ADAM10: variants seen among roughly 807,000 people sequenced by gnomAD.
The protein encoded by ADAM10 is ADAM metallopeptidase domain 10.
Under a neutral mutation model 90.1 loss-of-function variants are expected in ADAM10, and 17 were observed. The ratio of observed to expected loss-of-function variants is 0.19; its 90% CI spans 0.13 to 0.28. ADAM10 has a LOEUF of 0.28. ADAM10 is among the 10% of genes least tolerant of loss of function. ADAM10 has a pLI of 1.00. For synonymous variants in ADAM10, 310 were observed against 298.6 expected, an observed-to-expected ratio of 1.04 and a Z score of -0.40; for missense variants, 610 against 914.3, an observed-to-expected ratio of 0.67 and a Z score of 4.29.
At chr15:58,654,753 C>T (rs1289775416) in intron 5 of ADAM10, among the ~76,000 whole-genome samples, 1 of 152,152 alleles carries the variant, frequency 6.6e-6, no homozygotes, top group Non-Finnish European at 1.5e-5. Flanking sequence ...ACTCACCTAT[C>T]GGTCATTCAG....
intron 1 of ADAM10, among the ~76,000 whole-genome samples, chr15:58,733,632 A>G (rs1329830822): frequency 6.6e-6 from 1 of 152,182 alleles, no homozygotes. Context: ...ACCAATCCCC[A>G]TAGATACTGA....
At chr15:58,604,657 C>T (rs1203090583) in intron 14 of ADAM10, among the ~76,000 whole-genome samples, 4 of 152,198 alleles carry the variant, frequency 2.6e-5, no homozygotes, top group African/African-American at 9.7e-5. Flanking sequence ...CTAACACATA[C>T]AAATAATGTG....
intron 4 of ADAM10, among the ~76,000 whole-genome samples, chr15:58,674,316 T>C (rs1346537673): frequency 5.3e-5 from 8 of 152,204 alleles, no homozygotes; most frequent in African/African-American, 9.6e-5. Context: ...TAGTAAAGCA[T>C]ACAAATTCAA....
rs764680235 is a variant in ADAM10, at chr15:58,597,458, T to G, written c.*89A>C. 6.2e-7 allele frequency: 1 copy of G among 1,602,628 alleles called. No homozygotes were observed. The highest frequency in any genetic ancestry group is 8.5e-7 in the Non-Finnish European group (1 of 1,173,866). ...TCTTCAACTGTTACTTGTGAGGGTT[T>G]AGTTTGGAGATGATGACTTAATAGG... On this transcript the variant is annotated 3_prime_UTR_variant, in exon 16 of 16. Transcript: ENST00000260408.
At chr15:58,625,884 A>C (rs1035535953) in intron 10 of ADAM10, among the ~76,000 whole-genome samples, 3 of 152,222 alleles carry the variant, frequency 2.0e-5, no homozygotes, top group African/African-American at 7.2e-5. Flanking sequence ...AATTATGTTG[A>C]GTGAGAAAAG....
At chr15:58,626,653 C>T (rs1466736790) in intron 10 of ADAM10, among the ~76,000 whole-genome samples, 1 of 152,098 alleles carries the variant, frequency 6.6e-6, no homozygotes, top group Non-Finnish European at 1.5e-5. Flanking sequence ...CTGATACATG[C>T]TACAACACAG....
intron 10 of ADAM10, among the ~76,000 whole-genome samples, chr15:58,623,706 C>A (rs1209940999): frequency 1.3e-5 from 2 of 152,072 alleles, no homozygotes; most frequent in Non-Finnish European, 2.9e-5. Context: ...AGAAAACTAA[C>A]ACAGGAACAG....
intron 1 of ADAM10, among the ~76,000 whole-genome samples, chr15:58,723,681 G>A (rs1358392796): frequency 1.3e-5 from 2 of 151,880 alleles, no homozygotes; most frequent in Non-Finnish European, 1.5e-5. Flanking sequence ...CTCCAGCCTG[G>A]GCAACAACAG....
chr15:58,726,266 T>C (rs1366662000), intron 1 of ADAM10, among the ~76,000 whole-genome samples: 3 of 152,116 alleles, frequency 2.0e-5, no homozygotes, highest in African/African-American at 7.2e-5. Context: ...ACAACAGGTA[T>C]ATCATCATAA....
At chr15:58,635,677 T>C (rs1221249107) in intron 8 of ADAM10, among the ~76,000 whole-genome samples, 1 of 152,018 alleles carries the variant, frequency 6.6e-6, no homozygotes, top group African/African-American at 2.4e-5. Flanking sequence ...TTTAAACAAA[T>C]AGTAAATTAA....
At chr15:58,704,673 T>C (rs558526385) in intron 2 of ADAM10, among the ~76,000 whole-genome samples, 2 of 152,356 alleles carry the variant, frequency 1.3e-5, no homozygotes, top group South Asian at 2.1e-4. Flanking sequence ...GAAGATGGTA[T>C]GTGAAGATAA....
chr15:58,702,747 ATTT>A (rs1898169612), intron 2 of ADAM10, among the ~76,000 whole-genome samples: 1 of 152,268 alleles, frequency 6.6e-6, no homozygotes, highest in African/African-American at 2.4e-5. Context: ...TAAAAATCAA[ATTT>A]AAATCACATA....
At chr15:58,638,051 G>C (rs537469330) in intron 8 of ADAM10, among the ~76,000 whole-genome samples, 2 of 152,182 alleles carry the variant, frequency 1.3e-5, no homozygotes, top group African/African-American at 2.4e-5. Flanking sequence ...GAAAAAGTTG[G>C]ACCAAAGGAA....
At chr15:58,610,216 C>T (rs778043579) in intron 14 of ADAM10, 81 bp downstream of exon 14, 5 of 1,163,262 alleles carry the variant, frequency 4.3e-6, no homozygotes, top group Admixed American at 1.8e-5. Flanking sequence ...GTTGTTTTCT[C>T]GTAACTTTGA....
At chr15:58,745,118 G>C (rs1388505746) in intron 1 of ADAM10, among the ~76,000 whole-genome samples, 1 of 152,312 alleles carries the variant, frequency 6.6e-6, no homozygotes, top group East Asian at 1.9e-4. Context: ...GGCAGACGGA[G>C]GTTGCAGTGA....
intron 15 of ADAM10, among the ~76,000 whole-genome samples, chr15:58,598,969 G>A (rs1239453138): frequency 3.3e-5 from 5 of 152,150 alleles, no homozygotes; most frequent in African/African-American, 1.2e-4. Context: ...GTCCCCACAA[G>A]CATCACCCTG....
Position 58,749,607 on chromosome 15 carries a change from T to G in ADAM10, c.-73A>C. 6.5e-7 allele frequency: 1 copy of G among 1,547,106 alleles called. No homozygotes were observed. Among genetic ancestry groups the G allele is most frequent in the Non-Finnish European group, 8.7e-7 (1 of 1,144,726 alleles). On this transcript the variant is annotated 5_prime_UTR_variant, in exon 1 of 16. Transcript: ENST00000260408. The stretch of plus-strand genomic sequence containing the variant: ...AGCACATCGATCCGGAGGGAGAAGC[T>G]GAAGGGGCTTGGTCCGGAGCCTCCA...
In ADAM10 at chr15:58,603,876, TAAA is replaced by T. The variant is rs34718794; in HGVS notation, c.2026-4155_2026-4153del. 5.2e-3 allele frequency among the ~76,000 whole-genome samples: 375 copies of T among 72,038 alleles called. 2 individuals carry two copies. The highest frequency in any genetic ancestry group is 0.018 in the African/African-American group (344 of 18,726). The allele number at this position is 72,038 out of a possible 152,430, so 47.3% of individuals were successfully genotyped here. A position where few individuals can be genotyped will look rare whatever the true frequency, so the allele number is the denominator to read the frequency against. On this transcript the variant is annotated intron_variant, in intron 14 of 15. Transcript: ENST00000260408. Reference sequence around the variant, plus strand: ...CCTAGAAAGATTGGGGGTCCAGGGTTAAAAAAAAAAAAAAAAAAAAAAAAGGCC... The same window carrying T: ...CCTAGAAAGATTGGGGGTCCAGGGTTAAAAAAAAAAAAAAAAAAAAAGGCC...
At chr15:58,709,482 T>C (rs1218652965) in intron 2 of ADAM10, among the ~76,000 whole-genome samples, 2 of 152,220 alleles carry the variant, frequency 1.3e-5, no homozygotes, top group East Asian at 3.8e-4. Flanking sequence ...CTCACGCCTG[T>C]AATCCCAGAA....
Sources: gnomAD v4.1 joint callset for allele counts (sites outside exome capture counted in the v4.1 genomes callset) on GRCh38, gnomAD v4.1.1 for gene constraint, MANE v1.5 for transcripts, NCBI Gene and HGNC (gene_info 2026-07-23, HGNC 2026-07-21) for gene names.